Variants in WWOX observed in about 807,000 individuals in gnomAD.
WWOX encodes the protein WW domain containing oxidoreductase.
A neutral mutation model predicts 46.2 loss-of-function variants in WWOX; 69 were observed. That is an observed-to-expected ratio of 1.49 (90% CI 1.23 to 1.82). The LOEUF (loss-of-function observed/expected upper bound fraction) is 1.82, where lower values mean the gene tolerates loss of function less well. Ranked by LOEUF, WWOX falls within the 40% of genes most tolerant of loss-of-function variation. The probability of loss-of-function intolerance (pLI) is 0.00; values close to 1 mark genes in which losing one functional copy is unlikely to be tolerated. For missense variants in WWOX, 919 were observed against 542.6 expected, an observed-to-expected ratio of 1.69 and a Z score of -6.89; for synonymous variants, 359 against 202.6, an observed-to-expected ratio of 1.77 and a Z score of -6.56.
intron 5 of WWOX, among the ~76,000 whole-genome samples, chr16:78,244,236 G>C (rs1464930957): frequency 6.6e-6 from 1 of 152,230 alleles, no homozygotes; most frequent in Non-Finnish European, 1.5e-5. Context: ...CTCGGAGTAT[G>C]TGAAGCAGTA....
Position 78,695,534 on chromosome 16 carries a change from C to G in WWOX, c.1056+262782C>G, listed in dbSNP as rs143886734. ...CTTCATCAGAGAGTAGCATGCAGAT[C>G]CCACCTGTGAGGCTATGGTCTGCCA... is the stretch of plus-strand genomic sequence containing the variant. On this transcript the variant is annotated intron_variant, in intron 8 of 8. Transcript: ENST00000566780. 2.1e-3 allele frequency among the ~76,000 whole-genome samples: 320 copies of G among 152,274 alleles called. 1 individual carries two copies. The highest frequency in any genetic ancestry group is 6.9e-3 in the African/African-American group (288 of 41,568).
Position 78,144,458 on chromosome 16 carries a change from TATATACACAC to T in WWOX, c.410-19719_410-19710del, listed in dbSNP as rs1253737131. Among the ~76,000 whole-genome samples the T allele has an allele frequency of 3.2e-4, 11 of 34,662 alleles. 1 individual carries two copies. Among genetic ancestry groups the T allele is most frequent in the East Asian group, 1.6e-3 (1 of 620 alleles). 22.7% of individuals were successfully genotyped at this position (34,662 alleles called of 152,430 possible). The stretch of plus-strand genomic sequence containing the variant: ...ATATATATATATATACACATATATA[TATATACACAC>T]ATATATATATATATATATACACACA... On this transcript the variant is annotated intron_variant, in intron 4 of 8. Transcript: ENST00000566780.
chr16:78,749,430 G>C (rs913282491), intron 8 of WWOX, among the ~76,000 whole-genome samples: 1 of 152,192 alleles, frequency 6.6e-6, no homozygotes, highest in African/African-American at 2.4e-5. Flanking sequence ...AAGAGAGAAA[G>C]AGAGAGACCC....
intron 4 of WWOX, chr16:78,123,540 C>T (rs1408672763): frequency 1.4e-5 from 2 of 143,154 alleles, no homozygotes; most frequent in Non-Finnish European, 3.0e-5. Context: ...TCACTGCAAC[C>T]TTCGCCTCCC....
intron 5 of WWOX, among the ~76,000 whole-genome samples, chr16:78,304,487 T>C (rs1285844513): frequency 6.6e-6 from 1 of 152,166 alleles, no homozygotes; most frequent in Non-Finnish European, 1.5e-5. Context: ...AGCACACCCA[T>C]AGTGCTAGGG....
In WWOX at chr16:78,747,254, C is replaced by G. The variant is rs182798114; in HGVS notation, c.1056+314502C>G. Among the ~76,000 whole-genome samples the G allele has an allele frequency of 1.4e-3, 202 of 149,464 alleles. 1 individual carries two copies. The highest frequency in any genetic ancestry group is 4.8e-3 in the African/African-American group (195 of 40,544). On this transcript the variant is annotated intron_variant, in intron 8 of 8. Coordinates refer to ENST00000566780, the MANE Select transcript of WWOX (RefSeq NM_016373.4). Reference sequence around the variant, plus strand: ...TCATGCAGGCTGGAGTGCAGTAGCACGATCTCGGCTCATTGCAACCTCTGC... The same window carrying G: ...TCATGCAGGCTGGAGTGCAGTAGCAGGATCTCGGCTCATTGCAACCTCTGC...
At chr16:78,441,266 G>A (rs1279636015) in intron 8 of WWOX, among the ~76,000 whole-genome samples, 2 of 152,086 alleles carry the variant, frequency 1.3e-5, no homozygotes, top group African/African-American at 4.8e-5. Flanking sequence ...CTTGACAGTG[G>A]TGTTTTTGCC....
intron 8 of WWOX, among the ~76,000 whole-genome samples, chr16:78,461,713 T>C (rs2083954569): frequency 6.6e-6 from 1 of 152,204 alleles, no homozygotes; most frequent in South Asian, 2.1e-4. Context: ...GCAAGTCGAT[T>C]GGACATGCCC....
At chr16:78,256,047 G>A (rs957731882) in intron 5 of WWOX, among the ~76,000 whole-genome samples, 3 of 151,182 alleles carry the variant, frequency 2.0e-5, no homozygotes, top group East Asian at 2.0e-4. Flanking sequence ...CTGCTCAGGA[G>A]GCTGAGGCAG....
chr16:78,172,365 C>G (rs559978786), intron 5 of WWOX, among the ~76,000 whole-genome samples: 27 of 152,308 alleles, frequency 1.8e-4, no homozygotes, highest in African/African-American at 6.3e-4. Flanking sequence ...CCTTTCTTGT[C>G]ACAGGCTCAG....
intron 6 of WWOX, among the ~76,000 whole-genome samples, chr16:78,394,461 A>T (rs1029130631): frequency 2.0e-5 from 3 of 152,148 alleles, no homozygotes; most frequent in Non-Finnish European, 4.4e-5. Context: ...TAGAAACATC[A>T]GGGAAGAATG....
intron 8 of WWOX, among the ~76,000 whole-genome samples, chr16:78,545,730 G>T (rs1268389737): frequency 6.6e-6 from 1 of 152,168 alleles, no homozygotes; most frequent in African/African-American, 2.4e-5. Context: ...CTGTCTCACA[G>T]TTCTGGAGGC....
Position 78,349,884 on chromosome 16 carries a change from A to C in WWOX, c.517-36976A>C, listed in dbSNP as rs1184120941. On this transcript the variant is annotated intron_variant, in intron 5 of 8. Coordinates refer to ENST00000566780, the MANE Select transcript of WWOX (RefSeq NM_016373.4). ...TGGGCTCAGCTTTTGACTCAGTCTC[A>C]TTCCCCAGAAATAATCCCTGTTAAC... Among the ~76,000 whole-genome samples the C allele has an allele frequency of 1.7e-5, 2 of 120,988 alleles. 1 individual carries two copies. Among genetic ancestry groups the C allele is most frequent in the Non-Finnish European group, 3.9e-5 (2 of 50,700 alleles). 79.4% of individuals were successfully genotyped at this position (120,988 alleles called of 152,430 possible).
intron 8 of WWOX, among the ~76,000 whole-genome samples, chr16:79,041,440 G>A (rs950597490): frequency 2.6e-5 from 4 of 152,138 alleles, no homozygotes; most frequent in African/African-American, 7.2e-5. Context: ...CCTGTCCTGG[G>A]CAGACATAAG....
intron 5 of WWOX, among the ~76,000 whole-genome samples, chr16:78,320,543 C>T (rs2080445604): frequency 6.6e-6 from 1 of 152,150 alleles, no homozygotes; most frequent in South Asian, 2.1e-4. Flanking sequence ...GCTTCCTTTG[C>T]CAAACCTAAT....
chr16:78,677,471 C>T (rs2047629113), intron 8 of WWOX, among the ~76,000 whole-genome samples: 1 of 152,196 alleles, frequency 6.6e-6, no homozygotes, highest in Admixed American at 6.5e-5. Flanking sequence ...TTTCCAGCTT[C>T]TTTCAAAAAC....
intron 8 of WWOX, chr16:78,757,014 A>G (rs746205450): frequency 3.4e-5 from 24 of 699,788 alleles, no homozygotes; most frequent in Non-Finnish European, 5.5e-5. Context: ...GCCAACAGCC[A>G]TGTGAGTGAA....
intron 8 of WWOX, among the ~76,000 whole-genome samples, chr16:78,464,688 C>A (rs1326594759): frequency 1.3e-5 from 2 of 152,114 alleles, no homozygotes; most frequent in African/African-American, 4.8e-5. Context: ...TACGTTGCCC[C>A]CACCCGTGCA....
At chr16:78,389,024 A>AGCT (rs2082121266) in intron 6 of WWOX, among the ~76,000 whole-genome samples, 2 of 152,098 alleles carry the variant, frequency 1.3e-5, no homozygotes, top group Non-Finnish European at 2.9e-5. Flanking sequence ...CAGTGTCCCA[A>AGCT]GTCACTGAGG....
Sources: gnomAD v4.1 joint callset for allele counts (sites outside exome capture counted in the v4.1 genomes callset) on GRCh38, gnomAD v4.1.1 for gene constraint, MANE v1.5 for transcripts, NCBI Gene and HGNC (gene_info 2026-07-23, HGNC 2026-07-21) for gene names.